Variants in PPP3CA observed in about 807,000 individuals in gnomAD.
PPP3CA encodes the protein CAM-PRP catalytic subunit.
A neutral mutation model predicts 66.5 loss-of-function variants in PPP3CA; 14 were observed. The observed-to-expected ratio is 0.21, with a 90% CI of 0.14 to 0.33. The LOEUF is 0.33. PPP3CA is among the 10% of genes least tolerant of loss of function. The pLI, the probability that PPP3CA is intolerant of heterozygous loss-of-function variation, is 1.00. For synonymous variants in PPP3CA, 232 were observed against 226.2 expected (o/e 1.03, Z -0.23); for missense variants, 317 against 639.5 (o/e 0.50, Z 5.44).
intron 1 of PPP3CA, among the ~76,000 whole-genome samples, chr4:101,259,016 G>C (rs1489850984): frequency 6.6e-6 from 1 of 152,058 alleles, no homozygotes; most frequent in Non-Finnish European, 1.5e-5. Flanking sequence ...CTTCAGCTCT[G>C]CTCTGGGTTT....
intron 1 of PPP3CA, among the ~76,000 whole-genome samples, chr4:101,198,817 T>C (rs555627803): frequency 2.6e-5 from 4 of 152,238 alleles, no homozygotes; most frequent in Admixed American, 6.5e-5. Flanking sequence ...CTTCCAGTAA[T>C]TGCTAATCCT....
intron 8 of PPP3CA, among the ~76,000 whole-genome samples, chr4:101,070,473 C>G (rs953037091): frequency 6.6e-6 from 1 of 152,190 alleles, no homozygotes; most frequent in Non-Finnish European, 1.5e-5. Flanking sequence ...GATACTAGTT[C>G]TGTCACATGG....
At chr4:101,225,315 C>T (rs547627932) in intron 1 of PPP3CA, among the ~76,000 whole-genome samples, 4 of 151,792 alleles carry the variant, frequency 2.6e-5, no homozygotes, top group Non-Finnish European at 4.4e-5. Context: ...AGAAAAATGA[C>T]GGACACTTTA....
At position 101,347,324 on chromosome 4, in the gene PPP3CA, T is replaced by TGCTGCCGCTGCC. The variant is rs1337287384; in HGVS notation, c.-529_-528insGGCAGCGGCAGC. 3 of 202,230 alleles carry TGCTGCCGCTGCC rather than the reference T, an allele frequency of 1.5e-5. No homozygotes were observed. The highest frequency in any genetic ancestry group is 7.2e-5 in the African/African-American group (3 of 41,688). 12.5% of individuals were successfully genotyped at this position (202,230 alleles called of 1,614,324 possible). A position where few individuals can be genotyped will look rare whatever the true frequency, so the allele number is the denominator to read the frequency against. ...CCGGCGGCGGAGAGGCGGCCGCCGC[T>TGCTGCCGCTGCC]GCTGCCGCTGCTGCTGCCGCTGCCG... is the stretch of plus-strand genomic sequence containing the variant. On this transcript the variant is annotated 5_prime_UTR_variant, in exon 1 of 14. Coordinates refer to ENST00000394854, the MANE Select transcript of PPP3CA (RefSeq NM_000944.5).
chr4:101,299,732 G>C (rs1240360417), intron 1 of PPP3CA, among the ~76,000 whole-genome samples: 2 of 152,096 alleles, frequency 1.3e-5, no homozygotes, highest in African/African-American at 4.8e-5. Flanking sequence ...AATATGTACA[G>C]AGCCTCAGGA....
intron 10 of PPP3CA, among the ~76,000 whole-genome samples, chr4:101,045,240 G>GAAC (rs1180944091): frequency 1.3e-4 from 20 of 152,206 alleles, no homozygotes; most frequent in Non-Finnish European, 2.2e-4. Flanking sequence ...GAGATCACAT[G>GAAC]AACAACAACA....
chr4:101,309,363 C>T (rs2110308504), intron 1 of PPP3CA, among the ~76,000 whole-genome samples: 1 of 152,094 alleles, frequency 6.6e-6, no homozygotes, highest in South Asian at 2.1e-4. Context: ...GATAATAATC[C>T]ATAAATAAGA....
At chr4:101,061,560 TA>T (rs1257669739) in intron 9 of PPP3CA, among the ~76,000 whole-genome samples, 2 of 152,120 alleles carry the variant, frequency 1.3e-5, no homozygotes, top group African/African-American at 4.8e-5. Flanking sequence ...TGATTTTTCT[TA>T]TATTTTTAAT....
chr4:101,322,913 G>T (rs76139918), intron 1 of PPP3CA, among the ~76,000 whole-genome samples: 29 of 152,058 alleles, frequency 1.9e-4, no homozygotes, highest in African/African-American at 6.5e-4. Context: ...ATATCTTACT[G>T]TAGAATAATA....
At chr4:101,044,144 A>T (rs1727659345) in intron 10 of PPP3CA, among the ~76,000 whole-genome samples, 1 of 152,236 alleles carries the variant, frequency 6.6e-6, no homozygotes, top group Non-Finnish European at 1.5e-5. Context: ...TTCAGTGTAA[A>T]GGAGCTGAAC....
intron 2 of PPP3CA, among the ~76,000 whole-genome samples, chr4:101,148,362 G>A (rs113471888): frequency 0.045 from 6,780 of 151,926 alleles, 211 homozygotes; most frequent in Middle Eastern, 0.11. Flanking sequence ...ACTTTTTAAC[G>A]TAGAATTATT....
intron 2 of PPP3CA, among the ~76,000 whole-genome samples, chr4:101,152,848 A>G (rs1723185525): frequency 6.6e-6 from 1 of 152,234 alleles, no homozygotes; most frequent in Non-Finnish European, 1.5e-5. Flanking sequence ...AAGTAAATCT[A>G]AGTGTACTAG....
chr4:101,338,397 T>C (rs1729704164), intron 1 of PPP3CA, among the ~76,000 whole-genome samples: 1 of 152,220 alleles, frequency 6.6e-6, no homozygotes. Flanking sequence ...TTGACAAAAT[T>C]TCAAAACATA....
intron 1 of PPP3CA, among the ~76,000 whole-genome samples, chr4:101,243,886 T>A (rs10050344): frequency 0.67 from 101,875 of 152,000 alleles, 35,048 homozygotes; most frequent in Middle Eastern, 0.76. Context: ...GACAAAGAAA[T>A]TGCTAATGTA....
chr4:101,223,301 C>A (rs899082872), intron 1 of PPP3CA, among the ~76,000 whole-genome samples: 1 of 151,716 alleles, frequency 6.6e-6, no homozygotes, highest in African/African-American at 2.4e-5. Context: ...TTCCCTCAGA[C>A]CTAATGCAAT....
chr4:101,074,156 G>A (rs538541402), intron 8 of PPP3CA, among the ~76,000 whole-genome samples: 7 of 152,304 alleles, frequency 4.6e-5, no homozygotes, highest in African/African-American at 1.4e-4. Context: ...CCTCAGGCTC[G>A]TAGAAATGGA....
intron 2 of PPP3CA, among the ~76,000 whole-genome samples, chr4:101,185,071 T>G (rs557278577): frequency 6.6e-6 from 1 of 152,192 alleles, no homozygotes; most frequent in East Asian, 1.9e-4. Flanking sequence ...TTTTACTTGG[T>G]CCTATGCTAA....
At chr4:101,081,837 C>T (rs538608618) in intron 7 of PPP3CA, among the ~76,000 whole-genome samples, 38 of 152,216 alleles carry the variant, frequency 2.5e-4, no homozygotes, top group African/African-American at 8.7e-4. Flanking sequence ...AACTGAGCTT[C>T]GTTATGGAAA....
intron 2 of PPP3CA, among the ~76,000 whole-genome samples, chr4:101,122,614 T>G (rs1452870877): frequency 6.6e-6 from 1 of 152,142 alleles, no homozygotes; most frequent in African/African-American, 2.4e-5. Context: ...AAATTTGTCA[T>G]AAGCTGAAAG....
Sources: gnomAD v4.1 joint callset for allele counts (sites outside exome capture counted in the v4.1 genomes callset) on GRCh38, gnomAD v4.1.1 for gene constraint, MANE v1.5 for transcripts, NCBI Gene and HGNC (gene_info 2026-07-23, HGNC 2026-07-21) for gene names.